The following ARID1A variants were observed in gnomAD, a reference collection of about 807,000 sequenced individuals.
ARID1A encodes AT-rich interaction domain 1A, also known as AT-rich interactive domain-containing protein 1A.
In ARID1A, 20 loss-of-function variants were observed where a neutral mutation model predicts 212.6. The ratio of observed to expected loss-of-function variants is 0.09; its 90% CI spans 0.07 to 0.14. The LOEUF is 0.14. Ranked by LOEUF, ARID1A falls within the 10% of genes least tolerant of loss-of-function variation. The pLI, the probability that ARID1A is intolerant of heterozygous loss-of-function variation, is 1.00. For synonymous variants in ARID1A, 1,376 were observed against 1,222.1 expected (o/e 1.13, Z -2.63); for missense variants, 2,587 against 3,059.0 (o/e 0.85, Z 3.64).
intron 1 of ARID1A, among the ~76,000 whole-genome samples, chr1:26,712,673 T>C (rs537810080): frequency 3.5e-4 from 53 of 152,302 alleles, no homozygotes; most frequent in African/African-American, 1.3e-3. Context: ...ACATACAGCC[T>C]GGGCAACAGA....
Position 26,697,340 on chromosome 1 carries a change from G to C in ARID1A, c.937G>C (p.Gly313Arg), listed in dbSNP as rs766099327. Reference sequence around the variant, plus strand: ...GGCCCGGGGCTACCAGGGCTACCCCGGGGGCGACTACAGTGGCGGGCCCCA... The same window carrying C: ...GGCCCGGGGCTACCAGGGCTACCCCCGGGGCGACTACAGTGGCGGGCCCCA... ...SSARGYQGYP[G>R]GDYSGGPQDG... Residue 313 changes from glycine (G) to arginine (R), a missense_variant, in exon 1 of 20, where the codon GGG (glycine) becomes CGG (arginine). Transcript: ENST00000324856. 7.5e-7 allele frequency: 1 copy of C among 1,329,368 alleles called. No individual in the cohort carries two copies. The highest frequency in any genetic ancestry group is 2.1e-5 in the South Asian group (1 of 48,218). 82.3% of individuals were successfully genotyped at this position (1,329,368 alleles called of 1,614,324 possible). A position where few individuals can be genotyped will look rare whatever the true frequency, so the allele number is the denominator to read the frequency against.
At chr1:26,710,494 TACACACAC>T (rs61663540) in intron 1 of ARID1A, among the ~76,000 whole-genome samples, 99 of 131,518 alleles carry the variant, frequency 7.5e-4, no homozygotes, top group South Asian at 2.0e-3. Flanking sequence ...AAATAATACA[TACACACAC>T]ACACACACAC....
chr1:26,749,474 G>A (rs1050373017), intron 4 of ARID1A, among the ~76,000 whole-genome samples: 6 of 152,076 alleles, frequency 3.9e-5, no homozygotes, highest in East Asian at 1.9e-4. Flanking sequence ...GTAGAATATC[G>A]ACCCCTGGAA....
In ARID1A at chr1:26,731,393, C is replaced by T. The variant is rs765538564; in HGVS notation, c.1592C>T (p.Pro531Leu). The T allele has an allele frequency of 9.9e-6, 16 of 1,613,798 alleles. No individual in the cohort carries two copies. The highest frequency in any genetic ancestry group is 5.5e-5 in the South Asian group (5 of 91,062). ...QPSQPPHQQS[P>L]APYPSQQSTT... is the part of the protein sequence containing the mutation. ...TCCCAGCCTCCACATCAGCAGTCCCCGGCTCCATACCCCTCCCAGCAGTCG... is the reference window on the plus strand; with the variant it reads ...TCCCAGCCTCCACATCAGCAGTCCCTGGCTCCATACCCCTCCCAGCAGTCG... Residue 531 changes from proline to leucine, a missense_variant, in exon 3 of 20, where the codon CCG (proline) becomes CTG (leucine). By Grantham distance (98) the Pro-to-Leu change is moderately conservative (BLOSUM62 -3). Transcript: ENST00000324856.
rs1010624759 is a variant in ARID1A, at chr1:26,697,112, G to A, written c.709G>A (p.Gly237Ser). 7.6e-6 allele frequency: 11 copies of A among 1,450,826 alleles called. No individual in the cohort carries two copies. Among genetic ancestry groups the A allele is most frequent in the Non-Finnish European group, 9.9e-6 (11 of 1,106,214 alleles). The allele number at this position is 1,450,826 out of a possible 1,614,324, so 89.9% of individuals were successfully genotyped here. ...CTACGCGCTGAGCTCCCCGAGAGGT[G>A]GCACTCCGGGCTCCGGCGCGGCGGC... is the stretch of plus-strand genomic sequence containing the variant. ...PAYALSSPRGGTPGSGAAAAA... is the reference protein window; with the variant it reads ...PAYALSSPRGSTPGSGAAAAA... The change falls in exon 1 of 20, where the codon GGC becomes AGC. Residue 237 changes from glycine to serine, a missense_variant. Gly to Ser is a moderately conservative substitution (Grantham distance 56). This residue lies in a region of ARID1A where 735 missense variants were observed against 590.6 expected (regional missense o/e 1.24). Transcript: ENST00000324856.
Position 26,744,942 on chromosome 1 carries a change from C to T in ARID1A, c.1920+12150C>T, listed in dbSNP as rs75937171. Among the ~76,000 whole-genome samples, 243 of 151,956 alleles carry T rather than the reference C, an allele frequency of 1.6e-3. 7 individuals carry two copies. The East Asian group carries it at 0.043, about 27-fold the overall frequency. On this transcript the variant is annotated intron_variant, in intron 4 of 19. Transcript: ENST00000324856. ...GACAAATGTATTTAAAGGCCTAAGG[C>T]TCCCCCCTCTTGCCCATTTCCTACA...
chr1:26,762,850 C>T, intron 7 of ARID1A, 123 bp from the exon 8 acceptor site: 1 of 989,924 alleles, frequency 1.0e-6, no homozygotes, highest in Non-Finnish European at 1.4e-6. Context: ...ATAAAGGCTA[C>T]CATGAAGTTG....
At chr1:26,705,337 C>A (rs1299287401) in intron 1 of ARID1A, among the ~76,000 whole-genome samples, 1 of 151,956 alleles carries the variant, frequency 6.6e-6, no homozygotes, top group Admixed American at 6.6e-5. Flanking sequence ...GGGGTTTCAT[C>A]ATGTTGGCCA....
intron 1 of ARID1A, among the ~76,000 whole-genome samples, chr1:26,705,987 G>A (rs1044741230): frequency 6.6e-6 from 1 of 152,114 alleles, no homozygotes; most frequent in East Asian, 1.9e-4. Flanking sequence ...GTTGGTCATG[G>A]TACATATTAG....
intron 1 of ARID1A, among the ~76,000 whole-genome samples, chr1:26,723,641 C>G (rs1317738860): frequency 6.6e-6 from 1 of 151,980 alleles, no homozygotes; most frequent in African/African-American, 2.4e-5. Context: ...CGAGTTTATG[C>G]AGATTAGCCA....
chr1:26,736,035 A>T (rs1419532579), intron 4 of ARID1A, among the ~76,000 whole-genome samples: 1 of 151,692 alleles, frequency 6.6e-6, no homozygotes, highest in Non-Finnish European at 1.5e-5. Flanking sequence ...TTTTACCTTT[A>T]AAAAAAAGGC....
chr1:26,724,215 G>T (rs2080595084), intron 1 of ARID1A, among the ~76,000 whole-genome samples: 1 of 152,192 alleles, frequency 6.6e-6, no homozygotes, highest in African/African-American at 2.4e-5. Context: ...CAACTAGTTA[G>T]CATTTAGGAT....
intron 19 of ARID1A, among the ~76,000 whole-genome samples, chr1:26,777,943 C>T (rs909005798): frequency 6.6e-6 from 1 of 152,096 alleles, no homozygotes; most frequent in Non-Finnish European, 1.5e-5. Context: ...TGGCACACAC[C>T]TCTAATCCCA....
rs2124153492 is a variant in ARID1A, at chr1:26,780,729, T to G, written c.6831T>G (p.Asp2277Glu). ...CATTGGTTTCACAAGTCATTTGTGA[T>G]GTACTGTTTTTGATTGGCCAGTCAT... Reference protein sequence around the residue: ...MNSLVSQVICDVLFLIGQS With the variant: ...MNSLVSQVICEVLFLIGQS Residue 2277 changes from aspartate (D) to glutamate (E), a missense_variant, in exon 20 of 20, where the codon GAT becomes GAG. Asp to Glu is a conservative substitution (Grantham distance 45, BLOSUM62 2). Coordinates refer to ENST00000324856, the MANE Select transcript of ARID1A (RefSeq NM_006015.6). The surrounding 1 kb of genome is among the most constrained non-coding windows in gnomAD (Gnocchi z 7.2). 1 of 1,580,072 alleles carries G rather than the reference T, an allele frequency of 6.3e-7. No individual in the cohort carries two copies. The highest frequency in any genetic ancestry group is 8.6e-7 in the Non-Finnish European group (1 of 1,164,632).
chr1:26,737,112 C>CT (rs1000583437), intron 4 of ARID1A, among the ~76,000 whole-genome samples: 14 of 150,838 alleles, frequency 9.3e-5, no homozygotes, highest in African/African-American at 2.9e-4. Flanking sequence ...CCTGTGCTTG[C>CT]TTTTTTTTTG....
In ARID1A at chr1:26,773,824, T is replaced by A. The variant is rs2124114676; in HGVS notation, c.4027T>A (p.Phe1343Ile). The change falls in exon 17 of 20, where the codon TTC (phenylalanine) becomes ATC (isoleucine). Residue 1343 changes from phenylalanine to isoleucine, a missense_variant. Physicochemically the swap from Phe to Ile is conservative, Grantham distance 21. This residue lies in a region of ARID1A where 890 missense variants were observed against 1,098.2 expected (regional missense o/e 0.81). Transcript: ENST00000324856. ...QQRHDSYGNQ[F>I]STQGTPSGSP... is the part of the protein sequence containing the mutation. ...TAGACATGATTCCTATGGCAATCAGTTCTCCACCCAAGGCACCCCTTCTGG... is the reference window on the plus strand; with the variant it reads ...TAGACATGATTCCTATGGCAATCAGATCTCCACCCAAGGCACCCCTTCTGG... The A allele has an allele frequency of 6.2e-7, 1 of 1,614,184 alleles. No homozygotes were observed. The highest frequency in any genetic ancestry group is 8.5e-7 in the Non-Finnish European group (1 of 1,180,026).
At position 26,730,152 on chromosome 1, in the gene ARID1A, G is replaced by A. The variant is rs56932185; in HGVS notation, c.1350+289G>A. 0.059 allele frequency among the ~76,000 whole-genome samples: 9,018 copies of A among 152,310 alleles called. 322 individuals carry two copies. The highest frequency in any genetic ancestry group is 0.08 in the Non-Finnish European group (5,422 of 68,028). On this transcript the variant is annotated intron_variant, in intron 2 of 19. Transcript: ENST00000324856. ...TGGTCATCTCTGAATGAGATGGGATGAAAGGCAGTGGCTGAACATGTAGGC... is the reference window on the plus strand; with the variant it reads ...TGGTCATCTCTGAATGAGATGGGATAAAAGGCAGTGGCTGAACATGTAGGC...
At chr1:26,703,017 G>A (rs534958128) in intron 1 of ARID1A, among the ~76,000 whole-genome samples, 1 of 152,272 alleles carries the variant, frequency 6.6e-6, no homozygotes, top group Non-Finnish European at 1.5e-5. Context: ...AAAAGATACT[G>A]CAACTTGAGT....
chr1:26,751,153 G>A (rs1369556989), intron 4 of ARID1A, among the ~76,000 whole-genome samples: 1 of 152,048 alleles, frequency 6.6e-6, no homozygotes, highest in Non-Finnish European at 1.5e-5. Flanking sequence ...TACTCGGGAG[G>A]CTGAGGCAGG....
Sources: gnomAD v4.1 joint callset for allele counts (sites outside exome capture counted in the v4.1 genomes callset) on GRCh38, gnomAD v4.1.1 for gene constraint, gnomAD v4.1.1 regional missense constraint, Gnocchi (gnomAD v3.1) non-coding constraint, MANE v1.5 for transcripts, NCBI Gene and HGNC (gene_info 2026-07-23, HGNC 2026-07-21) for gene names.